The following CDADC1 variants were observed in gnomAD, a reference collection of about 807,000 sequenced individuals.
CDADC1 encodes the protein dCTP deaminase.
Under a neutral mutation model 54.9 loss-of-function variants are expected in CDADC1, and 39 were observed. That is an observed-to-expected ratio of 0.71 (90% confidence interval 0.55 to 0.93). CDADC1 has a LOEUF of 0.93. Among genes scored for constraint, CDADC1 ranks in the 40% least tolerant of loss-of-function variants. The probability of loss-of-function intolerance (pLI) is 0.00; values close to 1 mark genes in which losing one functional copy is unlikely to be tolerated. For missense variants in CDADC1, 518 were observed against 618.8 expected (o/e 0.84, Z 1.73); for synonymous variants, 186 against 204.0 (o/e 0.91, Z 0.75).
At chr13:49,266,494 T>C (rs1952819312) in intron 4 of CDADC1, among the ~76,000 whole-genome samples, 1 of 152,196 alleles carries the variant, frequency 6.6e-6, no homozygotes, top group South Asian at 2.1e-4. Flanking sequence ...TGAAAAATGA[T>C]CTATTTAGTT....
intron 5 of CDADC1, among the ~76,000 whole-genome samples, chr13:49,270,281 G>T (rs1400897695): frequency 3.9e-5 from 6 of 152,020 alleles, no homozygotes; most frequent in Non-Finnish European, 7.4e-5. Context: ...GAGTGCAGTG[G>T]CACTCATGGC....
chr13:49,283,619 T>C (rs1953414998), intron 8 of CDADC1, among the ~76,000 whole-genome samples: 1 of 152,048 alleles, frequency 6.6e-6, no homozygotes, highest in Non-Finnish European at 1.5e-5. Flanking sequence ...TTTTCAATTG[T>C]AAAGAGAATG....
chr13:49,270,105 C>G (rs1269319143), intron 5 of CDADC1, among the ~76,000 whole-genome samples: 1 of 152,124 alleles, frequency 6.6e-6, no homozygotes, highest in Non-Finnish European at 1.5e-5. Context: ...TTCCTTAGCA[C>G]TAAACACAAT....
intron 4 of CDADC1, 68 bp downstream of exon 4, chr13:49,259,591 C>G (rs1952624294): frequency 8.1e-6 from 12 of 1,474,384 alleles, no homozygotes; most frequent in African/African-American, 4.2e-5. Context: ...TGGTTTATGC[C>G]TGTCATCCCA....
intron 5 of CDADC1, 95 bp from the exon 6 acceptor site, chr13:49,274,196 T>A (rs1295956107): frequency 4.6e-6 from 4 of 867,894 alleles, no homozygotes; most frequent in African/African-American, 1.7e-5. Flanking sequence ...TTATGAAGTA[T>A]GTTTCAATAC....
chr13:49,256,206 C>T (rs1356242714), intron 3 of CDADC1, among the ~76,000 whole-genome samples: 1 of 152,090 alleles, frequency 6.6e-6, no homozygotes, highest in Non-Finnish European at 1.5e-5. Flanking sequence ...CACACTCCCA[C>T]ACACCTTGCT....
chr13:49,280,506 T>G lies in CDADC1; in HGVS notation c.1221-3T>G, dbSNP rs776855474. The G allele has an allele frequency of 1.4e-6, 2 of 1,381,418 alleles. No individual in the cohort carries two copies. Among genetic ancestry groups the G allele is most frequent in the African/African-American group, 1.5e-5 (1 of 68,006 alleles). 85.6% of individuals were successfully genotyped at this position (1,381,418 alleles called of 1,614,324 possible). On this transcript the variant is annotated splice_region_variant and splice_polypyrimidine_tract_variant and intron_variant, in intron 7 of 9. Transcript: ENST00000251108. ...TTCTGATATTTTATAATTTTTTTTG[T>G]AGGTGTCAAGAAATAAAACCAGAAG...
At position 49,292,256 on chromosome 13, in the gene CDADC1, A is replaced by G. The variant is rs1413017424; in HGVS notation, c.*499A>G. The G allele has an allele frequency of 1.0e-6, 1 of 977,928 alleles. No homozygotes were observed. The highest frequency in any genetic ancestry group is 1.8e-5 in the African/African-American group (1 of 57,074). 60.6% of individuals were successfully genotyped at this position (977,928 alleles called of 1,614,324 possible). Reference sequence around the variant, plus strand: ...TACCCAAAGCTTTCTAGTAATCAGAATTTACTTAATTAGAATTGACTCATA... The same window carrying G: ...TACCCAAAGCTTTCTAGTAATCAGAGTTTACTTAATTAGAATTGACTCATA... On this transcript the variant is annotated 3_prime_UTR_variant, in exon 10 of 10. Coordinates refer to ENST00000251108, the MANE Select transcript of CDADC1 (RefSeq NM_030911.4).
intron 5 of CDADC1, among the ~76,000 whole-genome samples, chr13:49,272,187 T>C (rs1162019969): frequency 1.3e-5 from 2 of 152,156 alleles, no homozygotes; most frequent in Non-Finnish European, 2.9e-5. Context: ...GCTTTTAATA[T>C]GGAGAATTTT....
In CDADC1 at chr13:49,292,314, T is replaced by C. The variant is rs74074527; in HGVS notation, c.*557T>C. ...AGTTAGTGGACTTTGTCTCCATTTT[T>C]AAAGTATATTTTGTAAATGTTAATT... On this transcript the variant is annotated 3_prime_UTR_variant, in exon 10 of 10. Transcript: ENST00000251108. The C allele has an allele frequency of 4.2e-3, 4,130 of 981,522 alleles. 140 individuals are homozygous for C. In the African/African-American group the frequency reaches 0.065, roughly 16 times the overall value. The allele number at this position is 981,522 out of a possible 1,614,324, so 60.8% of individuals were successfully genotyped here.
intron 8 of CDADC1, among the ~76,000 whole-genome samples, chr13:49,285,154 TTTTTC>T (rs1216504270): frequency 5.9e-5 from 9 of 151,350 alleles, no homozygotes; most frequent in Non-Finnish European, 1.2e-4. Flanking sequence ...TCATATTTTC[TTTTTC>T]TTTTCTTTTT....
intron 6 of CDADC1, among the ~76,000 whole-genome samples, chr13:49,276,626 C>T (rs531156007): frequency 9.2e-5 from 14 of 151,836 alleles, no homozygotes; most frequent in African/African-American, 3.4e-4. Context: ...TGGATTCCAC[C>T]TTCAAAATAC....
intron 2 of CDADC1, among the ~76,000 whole-genome samples, chr13:49,253,404 T>C (rs1444008022): frequency 6.6e-6 from 1 of 152,258 alleles, no homozygotes; most frequent in Non-Finnish European, 1.5e-5. Flanking sequence ...AAAATACTTA[T>C]GCTGTAATGC....
chr13:49,283,086 G>A (rs970328076), intron 8 of CDADC1, among the ~76,000 whole-genome samples: 1 of 152,076 alleles, frequency 6.6e-6, no homozygotes, highest in Non-Finnish European at 1.5e-5. Context: ...TGATATAAAA[G>A]AACCGTTTAT....
At chr13:49,259,658 C>A in intron 4 of CDADC1, 135 bp downstream of exon 4, 1 of 774,896 alleles carries the variant, frequency 1.3e-6, no homozygotes, top group Non-Finnish European at 2.1e-6. Flanking sequence ...CACAAATAGC[C>A]TGTGCAACAT....
chr13:49,291,387 G>T (rs1953702371), intron 9 of CDADC1, among the ~76,000 whole-genome samples: 5 of 151,848 alleles, frequency 3.3e-5, no homozygotes, highest in African/African-American at 1.2e-4. Flanking sequence ...GCCCAAGCTG[G>T]TCTTGAACTC....
Position 49,277,235 on chromosome 13 carries a change from C to T in CDADC1, c.1051-1115C>T, listed in dbSNP as rs564764873. 1.8e-4 allele frequency among the ~76,000 whole-genome samples: 13 copies of T among 71,712 alleles called. No homozygotes were observed. The South Asian group carries it at 5.4e-3, about 30-fold the overall frequency. The allele number at this position is 71,712 out of a possible 152,430, so 47.0% of individuals were successfully genotyped here. A position where few individuals can be genotyped will look rare whatever the true frequency, so the allele number is the denominator to read the frequency against. On this transcript the variant is annotated intron_variant, in intron 6 of 9. Transcript: ENST00000251108. ...GCCTGTAATCCAGCACTTTGGGAGG[C>T]GGGGGTGGGAGGATTCCTTGAGCCC...
In CDADC1 at chr13:49,292,954, G is replaced by C. The variant is rs1953753569; in HGVS notation, c.*1197G>C. ...CATCCAAACATTGGCTCCATGCCAGGGCTGTGACTGCAGCCTGTGTAGGAC... is the reference window on the plus strand; with the variant it reads ...CATCCAAACATTGGCTCCATGCCAGCGCTGTGACTGCAGCCTGTGTAGGAC... On this transcript the variant is annotated 3_prime_UTR_variant, in exon 10 of 10. Transcript: ENST00000251108. 2.6e-6 allele frequency: 1 copy of C among 388,478 alleles called. No homozygotes were observed. Among genetic ancestry groups the C allele is most frequent in the Non-Finnish European group, 4.6e-6 (1 of 216,796 alleles). 24.1% of individuals were successfully genotyped at this position (388,478 alleles called of 1,614,324 possible). A position where few individuals can be genotyped will look rare whatever the true frequency, so the allele number is the denominator to read the frequency against.
Position 49,248,135 on chromosome 13 carries a change from C to G in CDADC1, c.82+16C>G. 1.3e-6 allele frequency: 2 copies of G among 1,543,934 alleles called. No individual in the cohort carries two copies. The highest frequency in any genetic ancestry group is 1.8e-6 in the Non-Finnish European group (2 of 1,141,230). On this transcript the variant is annotated intron_variant, in intron 1 of 9. Coordinates refer to ENST00000251108, the MANE Select transcript of CDADC1 (RefSeq NM_030911.4). The stretch of plus-strand genomic sequence containing the variant: ...AGCATGACCGGTGAGTGTCCGGGAC[C>G]CTGCTCCCGCCACCCTACCTTTCGC...
Sources: allele counts gnomAD v4.1 joint callset (sites outside exome capture counted in the v4.1 genomes callset), GRCh38; gene constraint gnomAD v4.1.1; transcripts MANE v1.5; gene names NCBI Gene and HGNC (gene_info 2026-07-23, HGNC 2026-07-21).